Variants in POU5F1B observed in about 807,000 individuals in gnomAD.
POU5F1B encodes the protein POU class 5 homeobox 1B, also known as POU domain, class 5, transcription factor 1B.
A neutral mutation model predicts 28.1 loss-of-function variants in POU5F1B; 24 were observed. The ratio of observed to expected loss-of-function variants is 0.85; its 90% CI spans 0.62 to 1.20. POU5F1B has a LOEUF of 1.20. Among genes scored for constraint, POU5F1B ranks in the 50% most tolerant of loss-of-function variants. The pLI is 0.00. For synonymous variants in POU5F1B, 220 were observed against 193.2 expected (o/e 1.14, Z -1.15); for missense variants, 451 against 451.5 (o/e 1.00, Z 0.01).
exon 3 of POU5F1B, chr8:127,415,990 C>T (rs1815127602): frequency 1.3e-6 from 2 of 1,589,052 alleles, no homozygotes. Context: ...CCAAGGCCCT[C>T]CTGGAGGGCC....
exon 3 of POU5F1B, chr8:127,416,577 C>G (rs753945426): frequency 2.5e-6 from 4 of 1,605,050 alleles, no homozygotes; most frequent in Non-Finnish European, 3.4e-6. Flanking sequence ...GAACCAGTAT[C>G]GAGAACCGAG....
chr8:127,416,890 G>A (rs775485125), exon 3 of POU5F1B: 1 of 1,600,298 alleles, frequency 6.2e-7, no homozygotes. Flanking sequence ...CCCTGAGGGG[G>A]AAGTCTTTCC....
At chr8:127,413,735 C>A (rs548148717) in intron 1 of POU5F1B, among the ~76,000 whole-genome samples, 1 of 152,162 alleles carries the variant, frequency 6.6e-6, no homozygotes, top group Admixed American at 6.5e-5. Flanking sequence ...TTAGGCCAAC[C>A]TATTAACCTT....
intron 1 of POU5F1B, among the ~76,000 whole-genome samples, chr8:127,413,722 G>A (rs528454090): frequency 8.8e-4 from 134 of 152,284 alleles, no homozygotes; most frequent in African/African-American, 3.2e-3. Context: ...CCAGCTGTGA[G>A]GCTTAGGCCA....
chr8:127,416,977 G>A (rs371237720), exon 3 of POU5F1B: 11 of 1,586,664 alleles, frequency 6.9e-6, no homozygotes, highest in East Asian at 2.3e-5. Flanking sequence ...TGGGGAACAG[G>A]GGAGGGGAGG....
exon 3 of POU5F1B, chr8:127,415,893 C>T (rs1436267969): frequency 6.5e-7 from 1 of 1,534,522 alleles, no homozygotes; most frequent in Non-Finnish European, 8.8e-7. Flanking sequence ...CTTCGGATTT[C>T]GCCTTCTCGC....
chr8:127,413,857 T>TACACACACAC (rs3999776), intron 1 of POU5F1B, among the ~76,000 whole-genome samples: 2,879 of 150,684 alleles, frequency 0.019, 65 homozygotes, highest in African/African-American at 0.06. Flanking sequence ...AAAAAGGTGG[T>TACACACACAC]ACACACACAC....
intron 1 of POU5F1B, among the ~76,000 whole-genome samples, chr8:127,413,898 A>G (rs1815095677): frequency 6.6e-6 from 1 of 152,050 alleles, no homozygotes; most frequent in Admixed American, 6.5e-5. Flanking sequence ...ATATAATACA[A>G]TATTTTCAAA....
At chr8:127,414,817 TA>T (rs1214427887) in intron 1 of POU5F1B, 1 of 152,200 alleles carries the variant, frequency 6.6e-6, no homozygotes, top group Admixed American at 6.5e-5. Context: ...ATGGCACAAG[TA>T]AAAGTGTGCG....
At chr8:127,414,288 G>A (rs1452055363) in intron 1 of POU5F1B, among the ~76,000 whole-genome samples, 2 of 152,226 alleles carry the variant, frequency 1.3e-5, no homozygotes, top group East Asian at 3.8e-4. Context: ...GCCCCATGGA[G>A]AAACTGGCAG....
At chr8:127,415,922 G>T (rs1412389944) in exon 3 of POU5F1B, 3 of 1,552,520 alleles carry the variant, frequency 1.9e-6, no homozygotes, top group South Asian at 2.4e-5. Context: ...GGCGGTGGGG[G>T]TGATGGGCCA....
exon 3 of POU5F1B, chr8:127,415,446 A>C: frequency 6.1e-6 from 1 of 163,092 alleles, no homozygotes; most frequent in Non-Finnish European, 1.3e-5. Context: ...TCTGCAGGAA[A>C]TAAGAATCAG....
chr8:127,414,786 C>A (rs1039401678), intron 1 of POU5F1B: 1 of 152,216 alleles, frequency 6.6e-6, no homozygotes, highest in African/African-American at 2.4e-5. Flanking sequence ...CAGAATGTGA[C>A]TCACTTCTAA....
chr8:127,415,444 A>C, exon 3 of POU5F1B: 1 of 162,878 alleles, frequency 6.1e-6, no homozygotes. Context: ...AATCTGCAGG[A>C]AATAAGAATC....
At position 127,415,847 on chromosome 8, in the gene POU5F1B, T is replaced by C; in HGVS notation, c.-20T>C. 1 of 1,503,986 alleles carries C rather than the reference T, an allele frequency of 6.6e-7. No individual in the cohort carries two copies. The highest frequency in any genetic ancestry group is 8.9e-7 in the Non-Finnish European group (1 of 1,126,536). 93.2% of individuals were successfully genotyped at this position (1,503,986 alleles called of 1,614,324 possible). A position where few individuals can be genotyped will look rare whatever the true frequency, so the allele number is the denominator to read the frequency against. The stretch of plus-strand genomic sequence containing the variant: ...TTGCTCATTTCACCAGGCCCCCGGC[T>C]TGGGGCGCCTTCCTTCCCCATGGCG... On this transcript the variant is annotated 5_prime_UTR_variant, in exon 3 of 3. Coordinates refer to ENST00000465342, the Ensembl canonical transcript of POU5F1B.
chr8:127,415,816 A>G (rs4871789), exon 3 of POU5F1B: 734,062 of 1,465,806 alleles, frequency 0.5, 187,860 homozygotes, highest in East Asian at 0.65. Flanking sequence ...ATGAAAAGTA[A>G]CATAATTGCT....
chr8:127,416,277 G>A, exon 3 of POU5F1B: 1 of 1,613,896 alleles, frequency 6.2e-7, no homozygotes, highest in South Asian at 1.1e-5. Flanking sequence ...AGAAGTCCCA[G>A]GACATCAAAG....
At chr8:127,415,370 A>T (rs977789543) in intron 2 of POU5F1B, 6 of 154,310 alleles carry the variant, frequency 3.9e-5, no homozygotes, top group African/African-American at 1.2e-4. Flanking sequence ...GAATTAGGTC[A>T]GGGAATTTCT....
rs776833446 is a variant in POU5F1B at position 127,416,210 on chromosome 8, G to A, written c.344G>A (p.Cys115Tyr). The change falls in exon 3 of 3, where the codon TGC (cysteine) becomes TAC (tyrosine). Residue 115 changes from cysteine (C) to tyrosine (Y), a missense_variant. Around this residue, in one of 3 missense-constraint regions of POU5F1B, gnomAD observed 233 missense variants for 210.7 expected, o/e 1.11. Coordinates refer to ENST00000465342, the Ensembl canonical transcript of POU5F1B. ...TCCAATGGGGCCTCCCCGGAACCCT[G>A]CACCGTCCCCCCTGGTGCCGTGAAG... 2.5e-6 allele frequency: 4 copies of A among 1,613,740 alleles called. No individual in the cohort carries two copies. In the Admixed American group the frequency reaches 6.7e-5, roughly 27 times the overall value.
Sources: gnomAD v4.1 joint callset for allele counts (sites outside exome capture counted in the v4.1 genomes callset) on GRCh38, gnomAD v4.1.1 for gene constraint, gnomAD v4.1.1 regional missense constraint, MANE v1.5 for transcripts, NCBI Gene and HGNC (gene_info 2026-07-23, HGNC 2026-07-21) for gene names.